Variants in WNK3 observed in about 807,000 individuals in gnomAD.
WNK3 encodes serine/threonine-protein kinase WNK3.
WNK3 carries 18 observed loss-of-function variants against 116.7 expected under a neutral mutation model. The ratio of observed to expected loss-of-function variants is 0.15; its 90% confidence interval spans 0.11 to 0.23. The LOEUF is 0.23. Ranked by LOEUF, WNK3 falls within the 10% of genes least tolerant of loss-of-function variation. WNK3 has a pLI of 1.00. For synonymous variants in WNK3, 404 were observed against 469.4 expected (o/e 0.86, Z 1.80); for missense variants, 993 against 1,323.8 (o/e 0.75, Z 3.88).
intron 1 of WNK3, among the ~76,000 whole-genome samples, 169 bp downstream of exon 1, chrX:54,357,517 C>T (rs1217966844): frequency 9.0e-6 from 1 of 110,978 alleles, no homozygotes; most frequent in Non-Finnish European, 1.9e-5. Flanking sequence ...GGCACTCACC[C>T]TGCTTCGGTC....
intron 8 of WNK3, 34 bp from the exon 9 acceptor site, chrX:54,293,361 G>C (rs782819312): frequency 8.9e-7 from 1 of 1,125,163 alleles, no homozygotes; most frequent in Admixed American, 2.8e-5. Context: ...CAGGTAGAAG[G>C]GAAAACTTGA....
At chrX:54,240,650 G>C in intron 17 of WNK3, among the ~76,000 whole-genome samples, 1 of 111,860 alleles carries the variant, frequency 8.9e-6, no homozygotes, top group East Asian at 2.8e-4. Context: ...GACATATGTA[G>C]GAATTGTTTC....
chrX:54,205,525 G>A (rs1557142543), intron 22 of WNK3, among the ~76,000 whole-genome samples: 2 of 108,296 alleles, frequency 1.8e-5, no homozygotes, highest in East Asian at 5.9e-4. Flanking sequence ...CAGGGACTAG[G>A]GCAACAACCA....
rs1557140804 is a variant in WNK3, at chrX:54,198,502, T to C, written c.5225A>G (p.Tyr1742Cys). The change falls in exon 24 of 24, where the codon TAT becomes TGT. Residue 1742 changes from tyrosine to cysteine, a missense_variant. Tyr to Cys is a radical substitution (Grantham distance 194). Coordinates refer to ENST00000354646, the Ensembl canonical transcript of WNK3. ...ATACCCCGCCCCCGCCACAGCATTA[T>C]ACTGACAAACGTGAGGCATTCCATA... 1.3e-5 allele frequency: 16 copies of C among 1,207,078 alleles called. No individual in the cohort carries two copies. The highest frequency in any genetic ancestry group is 1.8e-5 in the Non-Finnish European group (16 of 894,269).
At chrX:54,297,995 C>G (rs1603392572) in intron 7 of WNK3, among the ~76,000 whole-genome samples, 180 bp downstream of exon 7, 1 of 110,454 alleles carries the variant, frequency 9.1e-6, no homozygotes, top group Non-Finnish European at 1.9e-5. Flanking sequence ...TTGGCATGAA[C>G]CCAGGAGGCG....
At chrX:54,265,663 T>C (rs1451858829) in intron 10 of WNK3, among the ~76,000 whole-genome samples, 1 of 112,145 alleles carries the variant, frequency 8.9e-6, no homozygotes, top group Non-Finnish European at 1.9e-5. Flanking sequence ...ACCTGCATTT[T>C]AAAACTATCA....
chrX:54,232,113 G>GTGTATATA (rs1353154268), intron 21 of WNK3, among the ~76,000 whole-genome samples: 2 of 95,109 alleles, frequency 2.1e-5, no homozygotes, highest in African/African-American at 4.0e-5. Flanking sequence ...GTGTGTGTGT[G>GTGTATATA]TATATATATA....
At chrX:54,213,733 A>C (rs1238459745) in intron 22 of WNK3, among the ~76,000 whole-genome samples, 1 of 109,904 alleles carries the variant, frequency 9.1e-6, no homozygotes, top group Admixed American at 9.8e-5. Flanking sequence ...TAAAATTGAT[A>C]AGCTTCTATC....
chrX:54,306,009 A>G (rs1557168543), intron 5 of WNK3, among the ~76,000 whole-genome samples: 1 of 110,858 alleles, frequency 9.0e-6, no homozygotes, highest in East Asian at 2.8e-4. Context: ...GAGCCGAGAT[A>G]GCGCCATTGC....
intron 10 of WNK3, among the ~76,000 whole-genome samples, chrX:54,285,303 G>A (rs1603390234): frequency 8.9e-6 from 1 of 111,830 alleles, no homozygotes; most frequent in African/African-American, 3.3e-5. Context: ...AGCTACTCAG[G>A]AGGCTGAGGT....
At chrX:54,239,203 TAAA>T in intron 17 of WNK3, 104 bp from the exon 18 acceptor site, 3 of 337,842 alleles carry the variant, frequency 8.9e-6, no homozygotes, top group Non-Finnish European at 1.3e-5. Flanking sequence ...GTGAAGCTTT[TAAA>T]AAAAAAAAAA....
chrX:54,267,537 G>C (rs1233753145), intron 10 of WNK3, among the ~76,000 whole-genome samples: 1 of 110,085 alleles, frequency 9.1e-6, no homozygotes, highest in East Asian at 2.9e-4. Context: ...TATAATCCCA[G>C]CACTTTGGGA....
exon 7 of WNK3, chrX:54,298,238 A>G (rs782583978): frequency 1.7e-6 from 2 of 1,210,336 alleles, no homozygotes; most frequent in South Asian, 1.8e-5. Context: ...CAATAGCTTC[A>G]TTGTCTTTGT....
At chrX:54,211,818 A>G (rs1261971391) in intron 22 of WNK3, among the ~76,000 whole-genome samples, 1 of 111,005 alleles carries the variant, frequency 9.0e-6, no homozygotes, top group Non-Finnish European at 1.9e-5. Flanking sequence ...AAAAAAAAAG[A>G]GACAATGAGA....
At chrX:54,339,464 AAG>A (rs1400628284) in intron 1 of WNK3, among the ~76,000 whole-genome samples, 1 of 111,636 alleles carries the variant, frequency 9.0e-6, no homozygotes, top group Non-Finnish European at 1.9e-5. Flanking sequence ...AACAAATTTA[AAG>A]AGATTGAAAT....
chrX:54,329,646 TAA>T (rs782574798), intron 2 of WNK3, among the ~76,000 whole-genome samples: 1 of 95,390 alleles, frequency 1.0e-5, no homozygotes, highest in Non-Finnish European at 2.1e-5. Flanking sequence ...GACTCTGTCT[TAA>T]AAAAAAAAAA....
intron 22 of WNK3, among the ~76,000 whole-genome samples, chrX:54,207,021 C>T (rs1241755583): frequency 2.8e-5 from 3 of 109,006 alleles, no homozygotes; most frequent in Non-Finnish European, 3.8e-5. Context: ...AGAGCAAGAC[C>T]GTGTCTCAGA....
At chrX:54,273,701 C>T (rs1452393765) in intron 10 of WNK3, among the ~76,000 whole-genome samples, 3 of 111,923 alleles carry the variant, frequency 2.7e-5, no homozygotes, top group Non-Finnish European at 3.8e-5. Flanking sequence ...AAGCTTCAAA[C>T]GCACATATAG....
intron 2 of WNK3, among the ~76,000 whole-genome samples, chrX:54,326,532 C>T (rs1557173477): frequency 9.0e-6 from 1 of 110,628 alleles, no homozygotes; most frequent in African/African-American, 3.3e-5. Context: ...AGCAAAACCC[C>T]ATCTCTACAA....
Sources: allele counts gnomAD v4.1 joint callset (sites outside exome capture counted in the v4.1 genomes callset), GRCh38; gene constraint gnomAD v4.1.1; transcripts MANE v1.5; gene names NCBI Gene and HGNC (gene_info 2026-07-23, HGNC 2026-07-21).